The following HDAC8 variants were observed in gnomAD, a reference collection of about 807,000 sequenced individuals.
HDAC8 encodes histone deacetylase 8.
A neutral mutation model predicts 32.2 loss-of-function variants in HDAC8; 1 was observed. The ratio of observed to expected loss-of-function variants is 0.03; its 90% CI spans 0.01 to 0.15. The LOEUF (loss-of-function observed/expected upper bound fraction) is 0.15, where lower values mean the gene tolerates loss of function less well. Ranked by LOEUF, HDAC8 falls within the 10% of genes least tolerant of loss-of-function variation. The probability of loss-of-function intolerance (pLI) is 1.00; values close to 1 mark genes in which losing one functional copy is unlikely to be tolerated. For synonymous variants in HDAC8, 108 were observed against 113.9 expected (o/e 0.95, Z 0.33); for missense variants, 117 against 300.0 (o/e 0.39, Z 4.51).
At chrX:72,337,677 C>G (rs183144762) in intron 10 of HDAC8, among the ~76,000 whole-genome samples, 2 of 111,429 alleles carry the variant, frequency 1.8e-5, no homozygotes, top group African/African-American at 6.5e-5. Flanking sequence ...CAACCCTGTT[C>G]TCTATATAGC....
intron 9 of HDAC8, among the ~76,000 whole-genome samples, chrX:72,427,008 C>T (rs915896193): frequency 9.1e-6 from 1 of 110,307 alleles, no homozygotes; most frequent in African/African-American, 3.3e-5. Context: ...ACTGTGAACG[C>T]TGCCAGACCT....
At chrX:72,375,428 A>C (rs1400630233) in intron 9 of HDAC8, among the ~76,000 whole-genome samples, 1 of 111,383 alleles carries the variant, frequency 9.0e-6, no homozygotes, top group South Asian at 3.8e-4. Flanking sequence ...TCTGAGTCTG[A>C]GGGCTTGAGA....
At position 72,467,694 on chromosome X, in the gene HDAC8, A is replaced by G. The variant is rs1299326520; in HGVS notation, c.738-2963T>C. 2.3e-5 allele frequency: 7 copies of G among 302,176 alleles called. No individual in the cohort carries two copies. The Admixed American group carries it at 4.6e-4, about 20-fold the overall frequency. The allele number at this position is 302,176 out of a possible 1,213,427, so 24.9% of individuals were successfully genotyped here. ...ATCTGTGTGTGTGTGCTTTGAAGGC[A>G]TAATTAGATTTCCATTTTAAAGATA... On this transcript the variant is annotated intron_variant, in intron 7 of 10. Transcript: ENST00000373573.
At chrX:72,362,126 C>G (rs1470023145) in intron 9 of HDAC8, among the ~76,000 whole-genome samples, 1 of 111,425 alleles carries the variant, frequency 9.0e-6, no homozygotes, top group Non-Finnish European at 1.9e-5. Flanking sequence ...AATGTGATCC[C>G]CAATGTTGGA....
intron 10 of HDAC8, among the ~76,000 whole-genome samples, chrX:72,350,408 C>G (rs1255441921): frequency 9.0e-6 from 1 of 111,661 alleles, no homozygotes; most frequent in East Asian, 2.8e-4. Flanking sequence ...ATTAATGTAA[C>G]TCACAGCAAA....
chrX:72,394,475 A>G (rs782622779), intron 9 of HDAC8, among the ~76,000 whole-genome samples: 1 of 112,434 alleles, frequency 8.9e-6, no homozygotes, highest in Non-Finnish European at 1.9e-5. Context: ...TGACAGGGCC[A>G]CCTGACGTCT....
chrX:72,441,720 G>C (rs1267579445), intron 9 of HDAC8, among the ~76,000 whole-genome samples: 1 of 112,129 alleles, frequency 8.9e-6, no homozygotes, highest in African/African-American at 3.2e-5. Flanking sequence ...GAAGGCTTCA[G>C]ACGATCAAAC....
intron 4 of HDAC8, 97 bp from the exon 5 acceptor site, chrX:72,495,365 G>A (rs1231740074): frequency 2.0e-5 from 9 of 448,450 alleles, no homozygotes; most frequent in Non-Finnish European, 2.9e-5. Context: ...GTCCCCTAAA[G>A]TTCCCCCTTC....
chrX:72,396,336 G>T (rs1452297873), intron 9 of HDAC8, among the ~76,000 whole-genome samples: 1 of 112,365 alleles, frequency 8.9e-6, no homozygotes, highest in Non-Finnish European at 1.9e-5. Flanking sequence ...CCTAGCTGGG[G>T]AAGAGCCATG....
At chrX:72,414,064 G>A (rs1446902977) in intron 9 of HDAC8, among the ~76,000 whole-genome samples, 4 of 111,845 alleles carry the variant, frequency 3.6e-5, no homozygotes, top group Admixed American at 2.8e-4. Context: ...GACTGGCCTG[G>A]GTTATCTATT....
rs782426719 is a variant in HDAC8 at position 72,359,267 on chromosome X, G to GT, written c.1006-7430dup. The stretch of plus-strand genomic sequence containing the variant: ...CAGAGATCCACAAGGGAAGAATACT[G>GT]TTTTTTTTTTTAAATCTCTATATTA... On this transcript the variant is annotated intron_variant, in intron 9 of 10. Coordinates refer to ENST00000373573, the MANE Select transcript of HDAC8 (RefSeq NM_018486.3). Among the ~76,000 whole-genome samples the GT allele has an allele frequency of 5.7e-3, 594 of 103,640 alleles. 6 individuals are homozygous for GT. Among genetic ancestry groups the GT allele is most frequent in the Non-Finnish European group, 7.2e-3 (362 of 50,289 alleles). The allele number at this position is 103,640 out of a possible 115,157, so 90.0% of individuals were successfully genotyped here.
At chrX:72,452,280 A>T (rs1479748744) in intron 9 of HDAC8, among the ~76,000 whole-genome samples, 2 of 111,739 alleles carry the variant, frequency 1.8e-5, no homozygotes, top group African/African-American at 6.5e-5. Context: ...ACATGGCGAA[A>T]CCCCGTCTCT....
rs112716507 is a variant in HDAC8 at position 72,365,754 on chromosome X, G to T, written c.1006-13916C>A. On this transcript the variant is annotated intron_variant, in intron 9 of 10. Coordinates refer to ENST00000373573, the MANE Select transcript of HDAC8 (RefSeq NM_018486.3). ...GCTTTGAATAATGCATCTTTCTTTTGTGATGGACCACGATAGAATGATGGG... is the reference window on the plus strand; with the variant it reads ...GCTTTGAATAATGCATCTTTCTTTTTTGATGGACCACGATAGAATGATGGG... Among the ~76,000 whole-genome samples the T allele has an allele frequency of 2.8e-3, 311 of 112,052 alleles. 1 individual carries two copies. The highest frequency in any genetic ancestry group is 8.8e-3 in the African/African-American group (272 of 30,848).
chrX:72,530,713 C>A (rs782743541), intron 4 of HDAC8, among the ~76,000 whole-genome samples: 35 of 111,138 alleles, frequency 3.1e-4, no homozygotes, highest in Non-Finnish European at 5.1e-4. Flanking sequence ...ACCTACCTAC[C>A]TACATACATA....
chrX:72,450,708 C>A (rs939267555), intron 9 of HDAC8, among the ~76,000 whole-genome samples: 2 of 111,131 alleles, frequency 1.8e-5, no homozygotes, highest in African/African-American at 6.5e-5. Flanking sequence ...ATCAAACAAA[C>A]TGTAGCCTGG....
chrX:72,441,214 G>C (rs1158274531), intron 9 of HDAC8, among the ~76,000 whole-genome samples: 2 of 112,815 alleles, frequency 1.8e-5, no homozygotes, highest in Non-Finnish European at 3.8e-5. Context: ...GGAGATCTGA[G>C]AACAGGCAGA....
rs187490376 is a variant in HDAC8 at position 72,489,030 on chromosome X, C to A, written c.640G>T (p.Val214Leu). 8.5e-7 allele frequency: 1 copy of A among 1,177,852 alleles called. No individual in the cohort carries two copies. The highest frequency in any genetic ancestry group is 1.8e-5 in the African/African-American group (1 of 54,952). ...SPGFFPGTGD[V>L]SDVGLGKGRY... ...CCCTTCCCTAGGCCAACATCAGACA[C>A]GTCACCTGTTCCTATAAAAGAGAAG... The change falls in exon 7 of 11, where the codon GTG (valine) becomes TTG (leucine). Residue 214 changes from valine to leucine, a missense_variant. This residue lies in a region of HDAC8 where 57 missense variants were observed against 182.0 expected (regional missense o/e 0.31). Coordinates refer to ENST00000373573, the MANE Select transcript of HDAC8 (RefSeq NM_018486.3).
chrX:72,570,603 C>G (rs2051990565), intron 2 of HDAC8, among the ~76,000 whole-genome samples: 1 of 81,874 alleles, frequency 1.2e-5, no homozygotes, highest in South Asian at 6.8e-4. Context: ...AGCAAGACTC[C>G]ATCAAAAAAA....
At chrX:72,426,822 A>G in intron 9 of HDAC8, among the ~76,000 whole-genome samples, 1 of 110,152 alleles carries the variant, frequency 9.1e-6, no homozygotes, top group Non-Finnish European at 1.9e-5. Flanking sequence ...TTGGAGATAG[A>G]GCCTTTAGGA....
Sources: allele counts gnomAD v4.1 joint callset (sites outside exome capture counted in the v4.1 genomes callset), GRCh38; gene constraint gnomAD v4.1.1; regional missense constraint gnomAD v4.1.1; transcripts MANE v1.5; gene names NCBI Gene and HGNC (gene_info 2026-07-23, HGNC 2026-07-21).